The following HPSE2 variants were observed in gnomAD, a reference collection of about 807,000 sequenced individuals.
HPSE2 encodes the protein inactive heparanase-2.
A neutral mutation model predicts 60.5 loss-of-function variants in HPSE2; 38 were observed. That is an observed-to-expected ratio of 0.63 (90% CI 0.48 to 0.82). The LOEUF (loss-of-function observed/expected upper bound fraction) is 0.82, where lower values mean the gene tolerates loss of function less well. HPSE2 is among the 40% of genes least tolerant of loss of function. The probability of loss-of-function intolerance (pLI) is 0.00; values close to 1 mark genes in which losing one functional copy is unlikely to be tolerated. For missense variants in HPSE2, 713 were observed against 740.4 expected, an observed-to-expected ratio of 0.96 and a Z score of 0.43; for synonymous variants, 295 against 293.2, an observed-to-expected ratio of 1.01 and a Z score of -0.06.
chr10:98,878,064 A>G (rs952926149), intron 3 of HPSE2, among the ~76,000 whole-genome samples: 2 of 151,950 alleles, frequency 1.3e-5, no homozygotes, highest in Non-Finnish European at 2.9e-5. Context: ...CTGAGATAGA[A>G]TTACAAGAAA....
chr10:98,880,014 T>C (rs145291149), intron 3 of HPSE2, among the ~76,000 whole-genome samples: 1,870 of 152,126 alleles, frequency 0.012, 30 homozygotes, highest in Non-Finnish European at 0.019. Context: ...TCTATTCTGA[T>C]GTTACTTCAG....
At chr10:98,484,505 G>A (rs920530863) in intron 10 of HPSE2, among the ~76,000 whole-genome samples, 1 of 152,202 alleles carries the variant, frequency 6.6e-6, no homozygotes, top group African/African-American at 2.4e-5. Flanking sequence ...CCAAAGGGCT[G>A]GGATTACAGG....
chr10:98,659,472 C>G (rs531849453), intron 6 of HPSE2, among the ~76,000 whole-genome samples: 1 of 152,108 alleles, frequency 6.6e-6, no homozygotes, highest in African/African-American at 2.4e-5. Flanking sequence ...TTTTGAAGTT[C>G]GTTCACATTG....
At chr10:99,171,473 G>T (rs1287422618) in intron 2 of HPSE2, among the ~76,000 whole-genome samples, 1 of 152,140 alleles carries the variant, frequency 6.6e-6, no homozygotes, top group Non-Finnish European at 1.5e-5. Context: ...GATGGATGTA[G>T]CTCTGAATGT....
chr10:98,506,866 T>TCATTTC (rs142099706), intron 9 of HPSE2, among the ~76,000 whole-genome samples: 1,837 of 152,302 alleles, frequency 0.012, 45 homozygotes, highest in African/African-American at 0.041. Flanking sequence ...ATAGATCTCT[T>TCATTTC]CATTTCCATT....
the HPSE2 span, among the ~76,000 whole-genome samples, chr10:99,296,898 C>G: frequency 2.6e-5 from 4 of 152,110 alleles, no homozygotes; most frequent in South Asian, 8.3e-4. Context: ...ATCATCTGGA[C>G]AGCAGTTGGC....
chr10:99,141,492 T>C (rs1212134425), intron 3 of HPSE2, among the ~76,000 whole-genome samples: 3 of 152,200 alleles, frequency 2.0e-5, no homozygotes, highest in African/African-American at 7.2e-5. Context: ...CAAAAATATA[T>C]TAAAAGAATC....
chr10:98,996,445 AT>A (rs1956643739), intron 3 of HPSE2, among the ~76,000 whole-genome samples: 1 of 152,228 alleles, frequency 6.6e-6, no homozygotes, highest in Non-Finnish European at 1.5e-5. Context: ...TTCTTAAAAC[AT>A]TAAACATATC....
At chr10:98,951,264 G>C (rs1023465059) in intron 3 of HPSE2, among the ~76,000 whole-genome samples, 1 of 152,126 alleles carries the variant, frequency 6.6e-6, no homozygotes, top group African/African-American at 2.4e-5. Context: ...AGAAGCAAAA[G>C]TATTTTTATC....
chr10:98,481,447 C>T (rs7918490), intron 11 of HPSE2, among the ~76,000 whole-genome samples: 6,868 of 152,246 alleles, frequency 0.045, 190 homozygotes, highest in African/African-American at 0.066. Context: ...ATTCAGCACA[C>T]TCATCATGAA....
chr10:98,749,930 C>CTATATATATATATATATATATATA (rs771032742), intron 3 of HPSE2, among the ~76,000 whole-genome samples: 18 of 96,972 alleles, frequency 1.9e-4, no homozygotes, highest in African/African-American at 5.2e-4. Context: ...ATATTAAACA[C>CTATATATATATATATATATATATA]TATATATATA....
At chr10:99,229,667 A>G (rs1849583988) in intron 2 of HPSE2, among the ~76,000 whole-genome samples, 1 of 152,202 alleles carries the variant, frequency 6.6e-6, no homozygotes, top group Non-Finnish European at 1.5e-5. Context: ...CAACCTTCCT[A>G]AGTCCAAATT....
rs545075766 is a variant in HPSE2 at position 98,992,991 on chromosome 10, T to C, written c.610+151247A>G. On this transcript the variant is annotated intron_variant, in intron 3 of 11. Coordinates refer to ENST00000370552, the MANE Select transcript of HPSE2 (RefSeq NM_021828.5). ...TATCCAGTTTCTAGTTCTGAGTACA[T>C]AGAAGAATTGTATTTTCTTGTCCCT... 1.1e-3 allele frequency among the ~76,000 whole-genome samples: 164 copies of C among 152,340 alleles called. 1 individual carries two copies. Among genetic ancestry groups the C allele is most frequent in the African/African-American group, 3.1e-3 (128 of 41,592 alleles).
At chr10:99,312,479 T>C in the HPSE2 span, among the ~76,000 whole-genome samples, 8 of 152,362 alleles carry the variant, frequency 5.3e-5, no homozygotes, top group East Asian at 1.5e-3. Flanking sequence ...ATATTCCATT[T>C]TGTTGTCACA....
At chr10:98,779,459 C>T (rs1012551719) in intron 3 of HPSE2, among the ~76,000 whole-genome samples, 3 of 152,126 alleles carry the variant, frequency 2.0e-5, no homozygotes, top group African/African-American at 7.2e-5. Flanking sequence ...AGAGGTACCA[C>T]TTTCCACAAT....
chr10:98,600,909 G>GTATATA lies in HPSE2; in HGVS notation c.1320+13994_1320+13995insTATATA, dbSNP rs1397927513. ...CATATATACGTATATATATGTGTGT[G>GTATATA]TGTATATATATATATATATATATAT... On this transcript the variant is annotated intron_variant, in intron 9 of 11. Transcript: ENST00000370552. Among the ~76,000 whole-genome samples the GTATATA allele has an allele frequency of 2.8e-3, 249 of 88,384 alleles. 3 individuals carry two copies. The highest frequency in any genetic ancestry group is 0.014 in the African/African-American group (243 of 17,528). 58.0% of individuals were successfully genotyped at this position (88,384 alleles called of 152,430 possible). A position where few individuals can be genotyped will look rare whatever the true frequency, so the allele number is the denominator to read the frequency against.
chr10:98,865,829 C>T (rs1952574393), intron 3 of HPSE2, among the ~76,000 whole-genome samples: 1 of 152,038 alleles, frequency 6.6e-6, no homozygotes, highest in African/African-American at 2.4e-5. Context: ...AGAGGTCTTG[C>T]CTCAGTTATG....
chr10:99,299,564 T>G, the HPSE2 span, among the ~76,000 whole-genome samples: 6 of 152,146 alleles, frequency 3.9e-5, no homozygotes, highest in African/African-American at 1.4e-4. Flanking sequence ...TTCAAGGTAT[T>G]GCTCATGAAC....
intron 2 of HPSE2, among the ~76,000 whole-genome samples, chr10:99,230,517 A>G (rs1005207120): frequency 2.6e-5 from 4 of 152,052 alleles, no homozygotes; most frequent in African/African-American, 9.7e-5. Flanking sequence ...AACCTCTTAG[A>G]TCTTTTCCGT....
Sources: allele counts gnomAD v4.1 joint callset (sites outside exome capture counted in the v4.1 genomes callset), GRCh38; gene constraint gnomAD v4.1.1; transcripts MANE v1.5; gene names NCBI Gene and HGNC (gene_info 2026-07-23, HGNC 2026-07-21).